ZFHX3: variants seen among roughly 807,000 people sequenced by gnomAD.
ZFHX3 encodes the protein zinc finger homeobox 3.
ZFHX3 carries 42 observed loss-of-function variants against 279.1 expected under a neutral mutation model. The observed-to-expected ratio is 0.15, with a 90% CI of 0.12 to 0.19. ZFHX3 has a LOEUF of 0.19. Ranked by LOEUF, ZFHX3 falls within the 10% of genes least tolerant of loss-of-function variation. The pLI is 1.00. For synonymous variants in ZFHX3, 2,293 were observed against 1,957.8 expected, an observed-to-expected ratio of 1.17 and a Z score of -4.52; for missense variants, 4,981 against 4,754.0, an observed-to-expected ratio of 1.05 and a Z score of -1.40.
chr16:72,930,316 C>T (rs1380192877), intron 3 of ZFHX3, among the ~76,000 whole-genome samples: 1 of 152,046 alleles, frequency 6.6e-6, no homozygotes, highest in South Asian at 2.1e-4. Flanking sequence ...GGGAGGGGAG[C>T]GGCATCTGAT....
chr16:72,828,971 G>A (rs1367702323), intron 5 of ZFHX3, among the ~76,000 whole-genome samples: 2 of 151,320 alleles, frequency 1.3e-5, no homozygotes, highest in Non-Finnish European at 2.9e-5. Context: ...GATTACAGGC[G>A]TGAGCCATTA....
intron 6 of ZFHX3, among the ~76,000 whole-genome samples, chr16:73,141,852 T>C (rs560726104): frequency 6.6e-6 from 1 of 152,296 alleles, no homozygotes; most frequent in East Asian, 1.9e-4. Flanking sequence ...CAGCCTGTAA[T>C]CTTGATCTCT....
chr16:73,688,866 C>T (rs760032273), intron 1 of ZFHX3, among the ~76,000 whole-genome samples: 4 of 152,078 alleles, frequency 2.6e-5, no homozygotes, highest in Non-Finnish European at 5.9e-5. Context: ...TAAAGGGGAG[C>T]TTCCCTGCAC....
At chr16:73,132,065 T>C (rs571786999) in intron 6 of ZFHX3, among the ~76,000 whole-genome samples, 1 of 152,148 alleles carries the variant, frequency 6.6e-6, no homozygotes, top group African/African-American at 2.4e-5. Flanking sequence ...GTGGGAAGAT[T>C]GCTTGAGGCC....
At chr16:72,849,860 CAAAAAAAAAAAAAAAAAAAA>C (rs542156633) in intron 4 of ZFHX3, among the ~76,000 whole-genome samples, 53 of 56,550 alleles carry the variant, frequency 9.4e-4, no homozygotes, top group South Asian at 2.1e-3. Context: ...GTTCACCTAC[CAAAAAAAAAAAAAAAAAAAA>C]AAAAAAAAAA....
chr16:72,801,867 A>T (rs2036111667), intron 7 of ZFHX3, among the ~76,000 whole-genome samples: 1 of 151,668 alleles, frequency 6.6e-6, no homozygotes, highest in Non-Finnish European at 1.5e-5. Flanking sequence ...ATTAATTTGT[A>T]GTCCTCAGCT....
At chr16:73,653,328 AT>A (rs2052689616) in intron 2 of ZFHX3, among the ~76,000 whole-genome samples, 1 of 152,216 alleles carries the variant, frequency 6.6e-6, no homozygotes, top group Non-Finnish European at 1.5e-5. Context: ...AAAATTCACC[AT>A]ATGATGATCC....
At chr16:72,949,405 G>A (rs1268863243) in intron 3 of ZFHX3, among the ~76,000 whole-genome samples, 1 of 152,166 alleles carries the variant, frequency 6.6e-6, no homozygotes, top group Admixed American at 6.5e-5. Flanking sequence ...GGAGATTTAT[G>A]GCGATTTGTA....
intron 2 of ZFHX3, among the ~76,000 whole-genome samples, chr16:73,514,683 C>T (rs1171838925): frequency 1.3e-5 from 2 of 152,196 alleles, no homozygotes; most frequent in African/African-American, 2.4e-5. Context: ...GAAGCCGAAC[C>T]TCTGCCTTAG....
intron 2 of ZFHX3, among the ~76,000 whole-genome samples, chr16:73,588,614 T>C (rs528569950): frequency 2.0e-5 from 3 of 149,680 alleles, no homozygotes; most frequent in South Asian, 2.1e-4. Flanking sequence ...AGTGTGAACC[T>C]GGGAGGCCGA....
chr16:73,703,840 C>T (rs992788131), intron 1 of ZFHX3, among the ~76,000 whole-genome samples: 8 of 152,046 alleles, frequency 5.3e-5, no homozygotes, highest in South Asian at 2.1e-4. Context: ...TTGAGGGATC[C>T]GAGTCGTAAC....
In ZFHX3 at chr16:72,787,773, C is replaced by A; in HGVS notation, c.10503G>T (p.Val3501=). 6.6e-7 allele frequency: 1 copy of A among 1,517,226 alleles called. No homozygotes were observed. The highest frequency in any genetic ancestry group is 8.8e-7 in the Non-Finnish European group (1 of 1,131,902). The allele number at this position is 1,517,226 out of a possible 1,614,324, so 94.0% of individuals were successfully genotyped here. A position where few individuals can be genotyped will look rare whatever the true frequency, so the allele number is the denominator to read the frequency against. Reference sequence around the variant, plus strand: ...CGCCGCCGCCGGTGGGGACGTGAAGCACCATCTCTTGCAGGTTCACCACAG... The same window carrying A: ...CGCCGCCGCCGGTGGGGACGTGAAGAACCATCTCTTGCAGGTTCACCACAG... The part of the protein sequence containing the change: ...GQSVVNLQEM[V]LHVPTGGGGG... Residue 3501 remains valine, a synonymous_variant, in exon 10 of 10, where the codon GTG becomes GTT. Coordinates refer to ENST00000268489, the MANE Select transcript of ZFHX3 (RefSeq NM_006885.4).
chr16:73,241,745 G>A (rs115831751), intron 5 of ZFHX3, among the ~76,000 whole-genome samples: 12,473 of 141,886 alleles, frequency 0.088, 883 homozygotes, highest in East Asian at 0.44. Flanking sequence ...AAGCAAGATC[G>A]TGCCATTGCA....
intron 4 of ZFHX3, among the ~76,000 whole-genome samples, chr16:73,273,131 C>A (rs529871387): frequency 6.6e-6 from 1 of 152,124 alleles, no homozygotes; most frequent in Non-Finnish European, 1.5e-5. Context: ...CAGCCCCTAA[C>A]GAGGCTAAAC....
intron 2 of ZFHX3, among the ~76,000 whole-genome samples, chr16:73,511,649 T>C (rs908966691): frequency 1.3e-5 from 2 of 152,192 alleles, no homozygotes; most frequent in African/African-American, 4.8e-5. Flanking sequence ...AGGGGCTCTC[T>C]AGGGCAGCAT....
intron 1 of ZFHX3, among the ~76,000 whole-genome samples, chr16:73,818,403 T>C (rs1043784777): frequency 6.6e-6 from 1 of 152,156 alleles, no homozygotes; most frequent in Admixed American, 6.6e-5. Flanking sequence ...ACCATGGAGA[T>C]GGATGGATTT....
chr16:72,896,465 G>A (rs927241423), intron 3 of ZFHX3, among the ~76,000 whole-genome samples: 3 of 152,202 alleles, frequency 2.0e-5, no homozygotes, highest in East Asian at 1.9e-4. Context: ...GGGCTGGCGC[G>A]TAACACCAAG....
intron 3 of ZFHX3, among the ~76,000 whole-genome samples, chr16:72,898,183 C>T (rs898574099): frequency 1.3e-5 from 2 of 152,162 alleles, no homozygotes; most frequent in African/African-American, 4.8e-5. Flanking sequence ...AGCTCTCGTC[C>T]TTGACGCATG....
intron 7 of ZFHX3, among the ~76,000 whole-genome samples, chr16:73,112,347 C>T (rs891060695): frequency 6.6e-6 from 1 of 151,964 alleles, no homozygotes; most frequent in African/African-American, 2.4e-5. Flanking sequence ...GCCTGTGAGG[C>T]AAGGAGCTTT....
Sources: allele counts gnomAD v4.1 joint callset (sites outside exome capture counted in the v4.1 genomes callset), GRCh38; gene constraint gnomAD v4.1.1; transcripts MANE v1.5; gene names NCBI Gene and HGNC (gene_info 2026-07-23, HGNC 2026-07-21).